Variants in SYNPR observed in about 807,000 individuals in gnomAD.
SYNPR encodes synaptoporin.
In SYNPR, 23 loss-of-function variants were observed where a neutral mutation model predicts 32.9. The observed-to-expected ratio is 0.70, with a 90% confidence interval of 0.50 to 0.99. The LOEUF (loss-of-function observed/expected upper bound fraction) is 0.99, where lower values mean the gene tolerates loss of function less well. Ranked by LOEUF, SYNPR falls within the 50% of genes least tolerant of loss-of-function variation. SYNPR has a pLI of 0.00. For missense variants in SYNPR, 318 were observed against 349.3 expected (o/e 0.91, Z 0.71); for synonymous variants, 146 against 135.9 (o/e 1.07, Z -0.52).
intron 2 of SYNPR, among the ~76,000 whole-genome samples, chr3:63,386,315 C>A (rs1205137512): frequency 6.6e-6 from 1 of 152,168 alleles, no homozygotes; most frequent in East Asian, 1.9e-4. Context: ...TATTGTCTTA[C>A]TCCAAACACA....
At chr3:63,269,816 T>A (rs1451341538) in intron 3 of SYNPR, among the ~76,000 whole-genome samples, 4 of 152,208 alleles carry the variant, frequency 2.6e-5, no homozygotes, top group African/African-American at 9.7e-5. Flanking sequence ...GCTTAGCAAC[T>A]AATGGGCTGC....
At chr3:63,459,993 GCTGT>G (rs1700551532) in intron 2 of SYNPR, among the ~76,000 whole-genome samples, 1 of 151,722 alleles carries the variant, frequency 6.6e-6, no homozygotes, top group South Asian at 2.1e-4. Flanking sequence ...CTCTCACTTC[GCTGT>G]CTGTCTCAGA....
upstream of SYNPR, among the ~76,000 whole-genome samples, chr3:63,276,325 T>C (rs900646956): frequency 6.6e-6 from 1 of 152,112 alleles, no homozygotes; most frequent in Non-Finnish European, 1.5e-5. Context: ...CAGCAGGACA[T>C]TGCTACAATC....
chr3:63,392,343 T>A (rs145998679), intron 2 of SYNPR, among the ~76,000 whole-genome samples: 4 of 152,136 alleles, frequency 2.6e-5, no homozygotes, highest in Non-Finnish European at 5.9e-5. Context: ...CTCTTCAAAT[T>A]ATCATTTTCT....
intron 2 of SYNPR, among the ~76,000 whole-genome samples, chr3:63,304,615 A>C (rs2086891439): frequency 1.3e-5 from 2 of 152,062 alleles, no homozygotes; most frequent in South Asian, 2.1e-4. Context: ...ACAAGTGAGA[A>C]TCATATGAAT....
intron 2 of SYNPR, among the ~76,000 whole-genome samples, chr3:63,378,725 C>T (rs913582977): frequency 3.9e-5 from 6 of 152,022 alleles, no homozygotes; most frequent in Non-Finnish European, 7.4e-5. Context: ...GATATATACC[C>T]TGTCTCATTT....
chr3:63,290,791 A>T (rs17310364), intron 2 of SYNPR, among the ~76,000 whole-genome samples: 18,520 of 152,124 alleles, frequency 0.12, 1,248 homozygotes, highest in Non-Finnish European at 0.16. Context: ...GTGAGTCGTC[A>T]TTCTTTGGAT....
At chr3:63,578,894 T>C (rs918782221) in intron 4 of SYNPR, among the ~76,000 whole-genome samples, 3 of 152,052 alleles carry the variant, frequency 2.0e-5, no homozygotes, top group African/African-American at 7.2e-5. Context: ...AATCACACAT[T>C]CTCAGAGTTG....
intron 3 of SYNPR, among the ~76,000 whole-genome samples, chr3:63,534,457 C>T (rs1372546091): frequency 1.3e-5 from 2 of 152,132 alleles, no homozygotes; most frequent in Non-Finnish European, 2.9e-5. Flanking sequence ...CACATTTTGT[C>T]AGCAGATATT....
chr3:63,368,364 G>A (rs1331173020), intron 2 of SYNPR, among the ~76,000 whole-genome samples: 3 of 152,258 alleles, frequency 2.0e-5, no homozygotes, highest in South Asian at 2.1e-4. Context: ...AAGAAAGGGC[G>A]CTAGTTTGAA....
At chr3:63,316,062 A>T (rs1337767862) in intron 2 of SYNPR, among the ~76,000 whole-genome samples, 1 of 152,024 alleles carries the variant, frequency 6.6e-6, no homozygotes, top group East Asian at 1.9e-4. Flanking sequence ...CATATGTTAA[A>T]CCATCCCTGC....
At chr3:63,562,972 C>T (rs1702717433) in intron 4 of SYNPR, among the ~76,000 whole-genome samples, 1 of 152,162 alleles carries the variant, frequency 6.6e-6, no homozygotes, top group African/African-American at 2.4e-5. Context: ...AAGCACTTTA[C>T]ACAGGGAAAG....
chr3:63,354,961 A>G (rs1322444744), intron 2 of SYNPR, among the ~76,000 whole-genome samples: 1 of 152,208 alleles, frequency 6.6e-6, no homozygotes, highest in Non-Finnish European at 1.5e-5. Context: ...CAGAAGTTCA[A>G]CAAATGAAGA....
chr3:63,421,948 T>C (rs1699808510), intron 2 of SYNPR, among the ~76,000 whole-genome samples: 1 of 152,258 alleles, frequency 6.6e-6, no homozygotes, highest in African/African-American at 2.4e-5. Flanking sequence ...TTTAAAGAGC[T>C]CATATATTAT....
intron 3 of SYNPR, among the ~76,000 whole-genome samples, chr3:63,515,633 C>T (rs942835515): frequency 1.3e-5 from 2 of 152,026 alleles, no homozygotes; most frequent in Non-Finnish European, 2.9e-5. Flanking sequence ...GAAAAAAGAA[C>T]AGGGAAGGTT....
chr3:63,489,667 A>T (rs1559514754), intron 3 of SYNPR, among the ~76,000 whole-genome samples: 1 of 152,222 alleles, frequency 6.6e-6, no homozygotes, highest in Non-Finnish European at 1.5e-5. Context: ...ATTTACAATT[A>T]GTTGGAGACG....
Position 63,445,438 on chromosome 3 carries a change from G to A in SYNPR, c.85-35394G>A. 3 of 619,182 alleles carry A rather than the reference G, an allele frequency of 4.8e-6. No individual in the cohort carries two copies. In the South Asian group the frequency reaches 5.9e-5, roughly 12 times the overall value. The allele number at this position is 619,182 out of a possible 1,614,324, so 38.4% of individuals were successfully genotyped here. ...TGAAAGGTCCATAATATCATAACCA[G>A]AAAATCTGTCATAATCTCTTCCAAG... On this transcript the variant is annotated intron_variant, in intron 2 of 5. Coordinates refer to ENST00000478300, the MANE Select transcript of SYNPR (RefSeq NM_001130003.2).
intron 2 of SYNPR, among the ~76,000 whole-genome samples, chr3:63,291,851 A>G (rs1462412528): frequency 1.4e-5 from 2 of 144,950 alleles, no homozygotes; most frequent in Admixed American, 7.0e-5. Context: ...TCTCTCTCTC[A>G]TGTGCATATA....
chr3:63,285,381 AAAG>A (rs1227627935), intron 2 of SYNPR, among the ~76,000 whole-genome samples: 5 of 152,054 alleles, frequency 3.3e-5, no homozygotes, highest in African/African-American at 4.8e-5. Flanking sequence ...TTTGTTAAAA[AAAG>A]TGTGCATAAG....
Sources: gnomAD v4.1 joint callset for allele counts (sites outside exome capture counted in the v4.1 genomes callset) on GRCh38, gnomAD v4.1.1 for gene constraint, MANE v1.5 for transcripts, NCBI Gene and HGNC (gene_info 2026-07-23, HGNC 2026-07-21) for gene names.